DOK6: variants seen among roughly 807,000 people sequenced by gnomAD.
The protein encoded by DOK6 is downstream of tyrosine kinase 6.
DOK6 carries 22 observed loss-of-function variants against 44.0 expected under a neutral mutation model. The observed-to-expected ratio is 0.50, with a 90% confidence interval of 0.36 to 0.71. DOK6 has a LOEUF of 0.71. Ranked by LOEUF, DOK6 falls within the 30% of genes least tolerant of loss-of-function variation. The pLI is 0.00. For missense variants in DOK6, 340 were observed against 416.4 expected (o/e 0.82, Z 1.60); for synonymous variants, 166 against 145.5 (o/e 1.14, Z -1.01).
At chr18:69,780,952 C>T (rs1190736678) in intron 7 of DOK6, among the ~76,000 whole-genome samples, 1 of 152,050 alleles carries the variant, frequency 6.6e-6, no homozygotes, top group Non-Finnish European at 1.5e-5. Context: ...TATGGGATTT[C>T]TTAGTTTAGC....
At chr18:69,807,201 G>T (rs1981075470) in intron 7 of DOK6, among the ~76,000 whole-genome samples, 1 of 151,678 alleles carries the variant, frequency 6.6e-6, no homozygotes, top group Non-Finnish European at 1.5e-5. Flanking sequence ...TCAAAGTTAA[G>T]CTGTTATCAG....
At chr18:69,451,209 G>A (rs1227992808) in intron 1 of DOK6, among the ~76,000 whole-genome samples, 1 of 147,438 alleles carries the variant, frequency 6.8e-6, no homozygotes, top group African/African-American at 2.5e-5. Flanking sequence ...TAAAAGGATG[G>A]AGGAAGATCT....
chr18:69,444,753 C>G (rs574280922), intron 1 of DOK6, among the ~76,000 whole-genome samples: 163 of 151,578 alleles, frequency 1.1e-3, no homozygotes, highest in African/African-American at 3.5e-3. Context: ...AAGAAATTCT[C>G]CTGCCTCAGC....
At chr18:69,574,534 T>TG (rs1983192610) in intron 2 of DOK6, among the ~76,000 whole-genome samples, 1 of 151,886 alleles carries the variant, frequency 6.6e-6, no homozygotes, top group African/African-American at 2.4e-5. Flanking sequence ...AGTAAAATAA[T>TG]GGGGGAATGC....
intron 2 of DOK6, among the ~76,000 whole-genome samples, chr18:69,578,047 C>G (rs954805149): frequency 6.6e-6 from 1 of 151,860 alleles, no homozygotes; most frequent in Non-Finnish European, 1.5e-5. Flanking sequence ...CGTTCTGCAC[C>G]TGTATCCCAG....
chr18:69,477,677 G>T (rs1019310129), intron 1 of DOK6, among the ~76,000 whole-genome samples: 1 of 152,084 alleles, frequency 6.6e-6, no homozygotes, highest in African/African-American at 2.4e-5. Flanking sequence ...TTTTTGGTTA[G>T]GTATACTGTG....
At chr18:69,815,151 T>C (rs1419320663) in intron 7 of DOK6, among the ~76,000 whole-genome samples, 1 of 151,738 alleles carries the variant, frequency 6.6e-6, no homozygotes, top group Non-Finnish European at 1.5e-5. Flanking sequence ...CAAGGGTTAA[T>C]GGGAAATGAA....
At chr18:69,436,944 G>T (rs1286892956) in intron 1 of DOK6, among the ~76,000 whole-genome samples, 1 of 152,092 alleles carries the variant, frequency 6.6e-6, no homozygotes, top group Admixed American at 6.6e-5. Context: ...TTTGTTGCCT[G>T]CATAAACGTC....
At chr18:69,457,386 C>A (rs2122469067) in intron 1 of DOK6, among the ~76,000 whole-genome samples, 1 of 152,300 alleles carries the variant, frequency 6.6e-6, no homozygotes, top group Non-Finnish European at 1.5e-5. Context: ...GTTATCCCAG[C>A]ACAATTAATT....
chr18:69,517,047 A>G (rs1981546721), intron 1 of DOK6, among the ~76,000 whole-genome samples: 1 of 152,102 alleles, frequency 6.6e-6, no homozygotes, highest in Non-Finnish European at 1.5e-5. Flanking sequence ...GTATTATTTT[A>G]AACAACAAAA....
rs76706991 is a variant in DOK6 at position 69,715,224 on chromosome 18, G to A, written c.599+16631G>A. On this transcript the variant is annotated intron_variant, in intron 5 of 7. Transcript: ENST00000382713. ...TGGAGATTAATTTTGCCCAGGCCAC[G>A]CAGTTGTTTTTAGAATTAAGTGAGA... Among the ~76,000 whole-genome samples, 1,436 of 152,218 alleles carry A rather than the reference G, an allele frequency of 9.4e-3. 21 individuals carry two copies. Among genetic ancestry groups the A allele is most frequent in the African/African-American group, 0.032 (1,319 of 41,524 alleles).
intron 2 of DOK6, among the ~76,000 whole-genome samples, chr18:69,595,814 A>G (rs988948174): frequency 2.6e-5 from 4 of 152,084 alleles, no homozygotes; most frequent in African/African-American, 4.8e-5. Context: ...TAGTTTTTTC[A>G]CTATAAGCAT....
chr18:69,692,801 T>C (rs1353043472), intron 4 of DOK6, among the ~76,000 whole-genome samples: 2 of 152,252 alleles, frequency 1.3e-5, no homozygotes, highest in African/African-American at 2.4e-5. Context: ...AATTATCCAA[T>C]ACTTACAGCT....
intron 1 of DOK6, among the ~76,000 whole-genome samples, chr18:69,468,507 G>T (rs1568267474): frequency 6.6e-6 from 1 of 152,188 alleles, no homozygotes. Flanking sequence ...CCTCTGTGAG[G>T]TAATTGGCAG....
intron 7 of DOK6, among the ~76,000 whole-genome samples, chr18:69,771,198 C>A (rs1225302105): frequency 1.3e-5 from 2 of 151,810 alleles, no homozygotes; most frequent in African/African-American, 4.8e-5. Context: ...ATCATCACTA[C>A]CATATATTAA....
intron 1 of DOK6, among the ~76,000 whole-genome samples, chr18:69,405,357 C>T (rs920576646): frequency 7.9e-5 from 12 of 152,108 alleles, no homozygotes; most frequent in African/African-American, 1.2e-4. Context: ...CGGTGGCTCA[C>T]GCCTGTAATC....
chr18:69,738,549 A>G (rs1978691007), intron 5 of DOK6, among the ~76,000 whole-genome samples: 1 of 152,196 alleles, frequency 6.6e-6, no homozygotes, highest in African/African-American at 2.4e-5. Flanking sequence ...CCCTGAATTG[A>G]CATAAGAATT....
Position 69,489,048 on chromosome 18 carries a change from G to A in DOK6, c.67-75439G>A, listed in dbSNP as rs945288906. 3.3e-5 allele frequency among the ~76,000 whole-genome samples: 5 copies of A among 152,246 alleles called. No individual in the cohort carries two copies. The East Asian group carries it at 9.7e-4, about 29-fold the overall frequency. ...TACACATAGAACTTTTCTACTAAAT[G>A]GAAGATAGGTGGGTGCATTGAGAGA... On this transcript the variant is annotated intron_variant, in intron 1 of 7. Coordinates refer to ENST00000382713, the MANE Select transcript of DOK6 (RefSeq NM_152721.6).
chr18:69,697,918 A>C (rs543161496), intron 4 of DOK6, among the ~76,000 whole-genome samples: 89 of 152,336 alleles, frequency 5.8e-4, no homozygotes, highest in African/African-American at 2.1e-3. Flanking sequence ...TGATTTTTCC[A>C]GTGCTTAAGT....
Sources: allele counts gnomAD v4.1 joint callset (sites outside exome capture counted in the v4.1 genomes callset), GRCh38; gene constraint gnomAD v4.1.1; transcripts MANE v1.5; gene names NCBI Gene and HGNC (gene_info 2026-07-23, HGNC 2026-07-21).